Variants in SNTG2 observed in about 807,000 individuals in gnomAD.
The protein encoded by SNTG2 is syntrophin gamma 2, also known as gamma-2-syntrophin.
A neutral mutation model predicts 70.9 loss-of-function variants in SNTG2; 74 were observed. The ratio of observed to expected loss-of-function variants is 1.04; its 90% CI spans 0.86 to 1.27. The LOEUF is 1.27. SNTG2 is among the 50% of genes most tolerant of loss of function. The probability of loss-of-function intolerance (pLI) is 0.00; values close to 1 mark genes in which losing one functional copy is unlikely to be tolerated. For missense variants in SNTG2, 717 were observed against 690.7 expected (o/e 1.04, Z -0.43); for synonymous variants, 278 against 273.8 (o/e 1.02, Z -0.15).
intron 14 of SNTG2, among the ~76,000 whole-genome samples, chr2:1,269,415 G>C (rs552720616): frequency 1.8e-3 from 270 of 152,276 alleles, no homozygotes; most frequent in Admixed American, 4.6e-3. Flanking sequence ...CAGCTACTCA[G>C]AAGGCTGAGT....
chr2:1,039,729 T>C (rs575709752), intron 1 of SNTG2, among the ~76,000 whole-genome samples: 8 of 152,206 alleles, frequency 5.3e-5, no homozygotes, highest in African/African-American at 1.9e-4. Flanking sequence ...TATGGAAAAA[T>C]ATAAGCGCTG....
At chr2:1,222,115 G>GCCTA (rs1675202885) in intron 9 of SNTG2, among the ~76,000 whole-genome samples, 1 of 22,060 alleles carries the variant, frequency 4.5e-5, no homozygotes, top group Admixed American at 4.5e-4. Flanking sequence ...GTCTCTCTCT[G>GCCTA]TCTCTCTCTG....
chr2:1,317,325 T>C (rs111776332), intron 16 of SNTG2, among the ~76,000 whole-genome samples: 3,766 of 93,090 alleles, frequency 0.04, 538 homozygotes, highest in African/African-American at 0.15. Context: ...CAGGCCAGCA[T>C]TGGAGAAGGT....
At chr2:1,203,674 ATAT>A (rs761765672) in intron 8 of SNTG2, among the ~76,000 whole-genome samples, 33,047 of 119,222 alleles carry the variant, frequency 0.28, 4,369 homozygotes, top group East Asian at 0.51. Flanking sequence ...AAAAAAAAAA[ATAT>A]ATATATATAT....
At chr2:1,088,039 A>T (rs1253687440) in intron 2 of SNTG2, among the ~76,000 whole-genome samples, 1 of 152,240 alleles carries the variant, frequency 6.6e-6, no homozygotes, top group Non-Finnish European at 1.5e-5. Context: ...TGGGTCCAAA[A>T]TCAGGAGTAG....
chr2:1,232,738 TA>T (rs752424121), intron 9 of SNTG2, among the ~76,000 whole-genome samples: 2 of 152,336 alleles, frequency 1.3e-5, no homozygotes, highest in Admixed American at 1.3e-4. Flanking sequence ...TAAATTGTAC[TA>T]AAAAATAATA....
intron 4 of SNTG2, among the ~76,000 whole-genome samples, chr2:1,121,172 C>G (rs1667351570): frequency 6.6e-6 from 1 of 151,898 alleles, no homozygotes; most frequent in Non-Finnish European, 1.5e-5. Flanking sequence ...CAGAAGGAAT[C>G]AAAAGTGAAA....
chr2:1,110,984 G>T (rs917296908), intron 4 of SNTG2, among the ~76,000 whole-genome samples: 1 of 152,148 alleles, frequency 6.6e-6, no homozygotes, highest in African/African-American at 2.4e-5. Context: ...TAACTTTTAG[G>T]TCTAACTTTC....
chr2:1,028,557 C>T (rs13404945), intron 1 of SNTG2, among the ~76,000 whole-genome samples: 15,048 of 152,192 alleles, frequency 0.099, 828 homozygotes, highest in Middle Eastern at 0.15. Context: ...CTTACAATGT[C>T]CAAACCTTCT....
At chr2:1,185,336 G>T (rs1672179868) in intron 8 of SNTG2, among the ~76,000 whole-genome samples, 1 of 152,128 alleles carries the variant, frequency 6.6e-6, no homozygotes, top group African/African-American at 2.4e-5. Context: ...TATCATTCTG[G>T]GGTCTGGAGG....
At position 956,233 on chromosome 2, in the gene SNTG2, AC is replaced by A. The variant is rs1326956380; in HGVS notation, c.72+5169del. 2.3e-4 allele frequency among the ~76,000 whole-genome samples: 3 copies of A among 12,890 alleles called. No homozygotes were observed. In the Admixed American group the frequency reaches 3.2e-3, roughly 14 times the overall value. The allele number at this position is 12,890 out of a possible 152,430, so 8.5% of individuals were successfully genotyped here. On this transcript the variant is annotated intron_variant, in intron 1 of 16. Coordinates refer to ENST00000308624, the MANE Select transcript of SNTG2 (RefSeq NM_018968.4). Reference sequence around the variant, plus strand: ...CCTGCCCCTGCCCCGCCCCTGCCCCACCCCTGCCCCGCCCCGCCCCTGCGCC... The same window carrying A: ...CCTGCCCCTGCCCCGCCCCTGCCCCACCCTGCCCCGCCCCGCCCCTGCGCC...
chr2:983,331 GAGGTGGAAGTCGGGATGAAGAAGTTGCA>G (rs1661194261), intron 1 of SNTG2, among the ~76,000 whole-genome samples: 1 of 150,548 alleles, frequency 6.6e-6, no homozygotes, highest in Non-Finnish European at 1.5e-5. Flanking sequence ...AGAAGCTGCA[GAGGTGGAAGTCGGGATGAAGAAGTTGCA>G]GAGGTGGAGG....
intron 1 of SNTG2, among the ~76,000 whole-genome samples, chr2:1,072,411 C>A (rs1663638255): frequency 7.2e-6 from 1 of 138,672 alleles, no homozygotes; most frequent in Non-Finnish European, 1.5e-5. Context: ...GCTAAACCTA[C>A]TCTGCCTGTG....
At chr2:1,071,155 A>G (rs975518518) in intron 1 of SNTG2, among the ~76,000 whole-genome samples, 51 of 152,304 alleles carry the variant, frequency 3.3e-4, no homozygotes, top group African/African-American at 1.2e-3. Flanking sequence ...ATCTGGGTAT[A>G]TACCCAAATG....
In SNTG2 at chr2:1,097,933, G is replaced by T. The variant is rs531502740; in HGVS notation, c.211-263G>T. Among the ~76,000 whole-genome samples the T allele has an allele frequency of 6.6e-6, 1 of 151,786 alleles. No individual in the cohort carries two copies. The highest frequency in any genetic ancestry group is 1.5e-5 in the Non-Finnish European group (1 of 67,996). The stretch of plus-strand genomic sequence containing the variant: ...TTCCTCACAAGCAGAATGCAGACGG[G>T]ATGACAGTTCTGTGGGGATTCTTCC... On this transcript the variant is annotated intron_variant, in intron 2 of 16. Coordinates refer to ENST00000308624, the MANE Select transcript of SNTG2 (RefSeq NM_018968.4). This position sits in a 1 kb window ranked among gnomAD's most constrained non-coding sequence, Gnocchi z 4.1.
At chr2:1,121,160 C>A (rs1030734314) in intron 4 of SNTG2, among the ~76,000 whole-genome samples, 1 of 151,844 alleles carries the variant, frequency 6.6e-6, no homozygotes, top group Non-Finnish European at 1.5e-5. Context: ...ATCAATGGGT[C>A]ACAGAAGGAA....
At chr2:1,256,606 A>G (rs1265355819) in intron 12 of SNTG2, 1 of 148,214 alleles carries the variant, frequency 6.7e-6, no homozygotes, top group African/African-American at 2.6e-5. Flanking sequence ...CCTAATGGAC[A>G]TGATGAATTT....
At chr2:1,309,116 CTG>C (rs907850781) in intron 15 of SNTG2, among the ~76,000 whole-genome samples, 1 of 152,146 alleles carries the variant, frequency 6.6e-6, no homozygotes, top group African/African-American at 2.4e-5. Flanking sequence ...AACCTACTCT[CTG>C]TGTTAATTAA....
intron 16 of SNTG2, among the ~76,000 whole-genome samples, chr2:1,332,419 C>T (rs1659582297): frequency 6.6e-6 from 1 of 152,074 alleles, no homozygotes; most frequent in Non-Finnish European, 1.5e-5. Context: ...CCTCCCTAAA[C>T]CATTATGTGA....
Sources: gnomAD v4.1 joint callset for allele counts (sites outside exome capture counted in the v4.1 genomes callset) on GRCh38, gnomAD v4.1.1 for gene constraint, Gnocchi (gnomAD v3.1) non-coding constraint, MANE v1.5 for transcripts, NCBI Gene and HGNC (gene_info 2026-07-23, HGNC 2026-07-21) for gene names.